The following DCDC1 variants were observed in gnomAD, a reference collection of about 807,000 sequenced individuals.
DCDC1 encodes the protein doublecortin domain containing 1, also known as doublecortin domain-containing protein 1.
In DCDC1, 200 loss-of-function variants were observed where a neutral mutation model predicts 178.3. That is an observed-to-expected ratio of 1.12 (90% confidence interval 1.00 to 1.26). The LOEUF is 1.26. Ranked by LOEUF, DCDC1 falls within the 50% of genes most tolerant of loss-of-function variation. DCDC1 has a pLI of 0.00. For missense variants in DCDC1, 1,983 were observed against 1,749.2 expected (o/e 1.13, Z -2.38); for synonymous variants, 690 against 604.8 (o/e 1.14, Z -2.07).
In DCDC1 at chr11:30,873,873, T is replaced by C. The variant is rs186714147; in HGVS notation, c.*40+4671A>G. Among the ~76,000 whole-genome samples the C allele has an allele frequency of 6.7e-3, 1,020 of 152,268 alleles. 8 individuals are homozygous for C. Among genetic ancestry groups the C allele is most frequent in the Non-Finnish European group, 0.011 (744 of 68,020 alleles). On this transcript the variant is annotated intron_variant, in intron 38 of 38. Transcript: ENST00000684477. The stretch of plus-strand genomic sequence containing the variant: ...GATATTATTCCTGTGACCTTTAAAA[T>C]AGCAAGATTTTATCAGCACTGAAGG...
intron 9 of DCDC1, among the ~76,000 whole-genome samples, chr11:31,149,145 G>C (rs1211130260): frequency 6.6e-6 from 1 of 152,184 alleles, no homozygotes; most frequent in African/African-American, 2.4e-5. Flanking sequence ...CTCATTGGTT[G>C]ATGGGCACCT....
intron 7 of DCDC1, among the ~76,000 whole-genome samples, chr11:31,269,304 A>C (rs1350282865): frequency 1.3e-5 from 2 of 152,208 alleles, no homozygotes; most frequent in Non-Finnish European, 2.9e-5. Flanking sequence ...ATTAAGGTTA[A>C]TTAAAATAGC....
chr11:30,965,741 T>C (rs1379846176), intron 20 of DCDC1, among the ~76,000 whole-genome samples: 1 of 140,224 alleles, frequency 7.1e-6, no homozygotes, highest in Non-Finnish European at 1.5e-5. Flanking sequence ...CCCAATGCTA[T>C]CCCTTCCCCC....
At chr11:31,135,377 A>G (rs949097265) in intron 10 of DCDC1, among the ~76,000 whole-genome samples, 1 of 152,226 alleles carries the variant, frequency 6.6e-6, no homozygotes, top group Non-Finnish European at 1.5e-5. Context: ...AAGCTATTCA[A>G]CAGTCTAACT....
At chr11:31,031,196 T>C (rs1207221347) in intron 20 of DCDC1, among the ~76,000 whole-genome samples, 1 of 152,172 alleles carries the variant, frequency 6.6e-6, no homozygotes, top group African/African-American at 2.4e-5. Flanking sequence ...TGTAGTAGAA[T>C]GGTAGGAACT....
chr11:31,018,636 G>A (rs573536488), intron 20 of DCDC1, among the ~76,000 whole-genome samples: 10 of 152,168 alleles, frequency 6.6e-5, no homozygotes. Context: ...TGAGAAAAAG[G>A]CTTGCAAAAG....
intron 9 of DCDC1, among the ~76,000 whole-genome samples, chr11:31,148,108 G>C (rs985129880): frequency 6.6e-6 from 1 of 150,656 alleles, no homozygotes; most frequent in Non-Finnish European, 1.5e-5. Flanking sequence ...TCCTGATCAT[G>C]GCAGAATATC....
rs1346397197 is a variant in DCDC1 at position 30,970,717 on chromosome 11, A to G, written c.2592-18149T>C. 3.3e-5 allele frequency among the ~76,000 whole-genome samples: 5 copies of G among 152,208 alleles called. No homozygotes were observed. In the South Asian group the frequency reaches 6.2e-4, roughly 19 times the overall value. On this transcript the variant is annotated intron_variant, in intron 20 of 38. Transcript: ENST00000684477. ...ACTATGGTTTCTGCCAATGACAGCA[A>G]TCCTGCCCTCCCCAGTAGCAGGGCC... is the stretch of plus-strand genomic sequence containing the variant.
At chr11:31,099,546 T>C (rs1453715152) in intron 15 of DCDC1, among the ~76,000 whole-genome samples, 6 of 152,264 alleles carry the variant, frequency 3.9e-5, no homozygotes, top group Admixed American at 3.3e-4. Flanking sequence ...TTTTGAGCCA[T>C]GCAAGAAGTT....
At chr11:31,202,796 T>C (rs1018389871) in intron 9 of DCDC1, among the ~76,000 whole-genome samples, 11 of 152,190 alleles carry the variant, frequency 7.2e-5, no homozygotes, top group African/African-American at 1.9e-4. Context: ...CTCTGCTCCA[T>C]ATACGGAGAG....
chr11:30,889,301 A>T (rs1344444834), intron 36 of DCDC1, among the ~76,000 whole-genome samples: 1 of 152,252 alleles, frequency 6.6e-6, no homozygotes, highest in Non-Finnish European at 1.5e-5. Context: ...CAATGTTCAA[A>T]GAGTGGGTGG....
chr11:30,953,970 T>C (rs1025760495), intron 20 of DCDC1, among the ~76,000 whole-genome samples: 9 of 151,136 alleles, frequency 6.0e-5, no homozygotes, highest in Non-Finnish European at 1.2e-4. Context: ...AGTAAGAGTA[T>C]ATTATGCATG....
At chr11:30,929,372 T>C (rs1946786198) in intron 22 of DCDC1, among the ~76,000 whole-genome samples, 2 of 152,210 alleles carry the variant, frequency 1.3e-5, no homozygotes, top group African/African-American at 2.4e-5. Context: ...GCTGGAGTAG[T>C]GGAATACACA....
chr11:30,969,339 A>G (rs989489265), intron 20 of DCDC1, among the ~76,000 whole-genome samples: 4 of 152,194 alleles, frequency 2.6e-5, no homozygotes, highest in Non-Finnish European at 5.9e-5. Flanking sequence ...AGAAGGCAAT[A>G]TGATCACAAA....
rs1387703854 is a variant in DCDC1, at chr11:31,110,341, G to A, written c.1506C>T (p.Asn502=). The A allele has an allele frequency of 4.1e-5, 29 of 702,792 alleles. No individual in the cohort carries two copies. The highest frequency in any genetic ancestry group is 7.3e-5 in the Non-Finnish European group (28 of 384,050). 43.5% of individuals were successfully genotyped at this position (702,792 alleles called of 1,614,324 possible). Reference sequence around the variant, plus strand: ...TGATACCAACAGAGATCTCTCCAGTGTTTTTACCATTTTCAAATACCTGAA... The same window carrying A: ...TGATACCAACAGAGATCTCTCCAGTATTTTTACCATTTTCAAATACCTGAA... The part of the protein sequence containing the change: ...LQLKVFENGK[N]TGEISVGISK... Residue 502 remains asparagine, a synonymous_variant, in exon 12 of 39, where the codon AAC becomes AAT. Coordinates refer to ENST00000684477, the MANE Select transcript of DCDC1 (RefSeq NM_001387274.1).
At chr11:31,136,467 A>G (rs1014267231) in intron 10 of DCDC1, among the ~76,000 whole-genome samples, 1 of 152,138 alleles carries the variant, frequency 6.6e-6, no homozygotes, top group Admixed American at 6.5e-5. Context: ...GTAAGAATAG[A>G]ATTTACACAG....
At chr11:31,116,063 A>T (rs1016273676) in intron 11 of DCDC1, among the ~76,000 whole-genome samples, 2 of 149,462 alleles carry the variant, frequency 1.3e-5, no homozygotes, top group African/African-American at 4.9e-5. Flanking sequence ...CACACATGAT[A>T]GGTCAGAGTG....
chr11:30,903,529 T>A lies in DCDC1; in HGVS notation c.4463A>T (p.Asp1488Val). Reference protein sequence around the residue: ...LQRDSEKQKQDAAPVGKEQII... With the variant: ...LQRDSEKQKQVAAPVGKEQII... ...CTGTTCTTTTCCAACAGGAGCTGCA[T>A]CTTGCTTTTGTTTCTCAGAGTCTCT... is the stretch of plus-strand genomic sequence containing the variant. The change falls in exon 32 of 39, where the codon GAT (aspartate) becomes GTT (valine). Residue 1488 changes from aspartate to valine, a missense_variant. Coordinates refer to ENST00000684477, the MANE Select transcript of DCDC1 (RefSeq NM_001387274.1). 1 of 1,606,018 alleles carries A rather than the reference T, an allele frequency of 6.2e-7. No homozygotes were observed.
At position 31,106,930 on chromosome 11, in the gene DCDC1, C is replaced by G. The variant is rs777970181; in HGVS notation, c.1618G>C (p.Gly540Arg). ...AGGCCTGGTGGGTTGATGGAAGAAC[C>G]TTGAAGCCTTTGATGAATCTTGAGA... ...LLLKIHQRLQ[G>R]SSINPPGLNY... Residue 540 changes from glycine to arginine, a missense_variant, in exon 13 of 39, where the codon GGT becomes CGT. Transcript: ENST00000684477. 1.6e-5 allele frequency: 12 copies of G among 765,734 alleles called. No homozygotes were observed. Among genetic ancestry groups the G allele is most frequent in the Admixed American group, 1.4e-4 (8 of 58,842 alleles). 47.4% of individuals were successfully genotyped at this position (765,734 alleles called of 1,614,324 possible). A position where few individuals can be genotyped will look rare whatever the true frequency, so the allele number is the denominator to read the frequency against.
Sources: gnomAD v4.1 joint callset for allele counts (sites outside exome capture counted in the v4.1 genomes callset) on GRCh38, gnomAD v4.1.1 for gene constraint, MANE v1.5 for transcripts, NCBI Gene and HGNC (gene_info 2026-07-23, HGNC 2026-07-21) for gene names.